The following NAV2 variants were observed in gnomAD, a reference collection of about 807,000 sequenced individuals.
NAV2 encodes the protein helicase, APC down-regulated 1.
Under a neutral mutation model 223.2 loss-of-function variants are expected in NAV2, and 54 were observed. The observed-to-expected ratio is 0.24, with a 90% CI of 0.19 to 0.30. The LOEUF is 0.30. Among genes scored for constraint, NAV2 ranks in the 10% least tolerant of loss-of-function variants. The probability of loss-of-function intolerance (pLI) is 1.00; values close to 1 mark genes in which losing one functional copy is unlikely to be tolerated. For synonymous variants in NAV2, 1,279 were observed against 1,239.3 expected, an observed-to-expected ratio of 1.03 and a Z score of -0.67; for missense variants, 2,806 against 3,147.5, an observed-to-expected ratio of 0.89 and a Z score of 2.60.
At position 19,476,100 on chromosome 11, in the gene NAV2, G is replaced by A. The variant is rs546865009; in HGVS notation, c.75+125073G>A. On this transcript the variant is annotated intron_variant, in intron 1 of 37. Transcript: ENST00000360655. ...AGCAGTTCTCCTGCCTCAGCCTCCC[G>A]AGTAGCTGGGACTACAGGCACGCGC... 6.6e-5 allele frequency among the ~76,000 whole-genome samples: 10 copies of A among 152,200 alleles called. No homozygotes were observed. The South Asian group carries it at 1.0e-3, about 16-fold the overall frequency.
chr11:19,440,633 C>A (rs1173557249), intron 1 of NAV2, among the ~76,000 whole-genome samples: 1 of 152,162 alleles, frequency 6.6e-6, no homozygotes, highest in Non-Finnish European at 1.5e-5. Context: ...AGGTTAAGTG[C>A]AGTCAAGTAT....
intron 1 of NAV2, among the ~76,000 whole-genome samples, chr11:19,668,805 A>T (rs945680264): frequency 2.0e-5 from 3 of 152,054 alleles, no homozygotes; most frequent in Non-Finnish European, 4.4e-5. Flanking sequence ...ATCAGAAGTA[A>T]GGCCCCAGGA....
intron 1 of NAV2, among the ~76,000 whole-genome samples, chr11:19,374,403 A>G (rs574412924): frequency 1.4e-4 from 20 of 147,352 alleles, no homozygotes; most frequent in African/African-American, 5.1e-4. Context: ...AGTGCCTGGC[A>G]CTTGGTTGCA....
chr11:19,572,090 A>T (rs1276818284), intron 1 of NAV2, among the ~76,000 whole-genome samples: 7 of 152,236 alleles, frequency 4.6e-5, no homozygotes, highest in African/African-American at 1.7e-4. Context: ...ACAGGGGTGC[A>T]GATGGGAAGA....
At chr11:19,732,215 T>C (rs1019672051) in intron 1 of NAV2, among the ~76,000 whole-genome samples, 11 of 150,560 alleles carry the variant, frequency 7.3e-5, no homozygotes, top group South Asian at 2.1e-4. Context: ...GACGAAATCA[T>C]GCCACTGTAC....
At chr11:19,895,104 CTTTT>C (rs71050690) in intron 6 of NAV2, among the ~76,000 whole-genome samples, 19,176 of 98,652 alleles carry the variant, frequency 0.19, 497 homozygotes, top group African/African-American at 0.23. Context: ...CTTTTTCTTT[CTTTT>C]TTTTTTTTTT....
chr11:20,070,374 T>G (rs2059323345), intron 22 of NAV2, among the ~76,000 whole-genome samples: 1 of 152,202 alleles, frequency 6.6e-6, no homozygotes, highest in African/African-American at 2.4e-5. Flanking sequence ...CCTTTACTAA[T>G]CAACAAATAG....
intron 37 of NAV2, 130 bp from the exon 38 acceptor site, chr11:20,118,003 C>G: frequency 9.9e-7 from 1 of 1,009,306 alleles, no homozygotes; most frequent in Non-Finnish European, 1.5e-6. Context: ...AGTCCATGTT[C>G]TTGTCCACTG....
chr11:19,421,650 C>T (rs2133497998), intron 1 of NAV2, among the ~76,000 whole-genome samples: 1 of 151,330 alleles, frequency 6.6e-6, no homozygotes, highest in African/African-American at 2.4e-5. Context: ...TGGCAAAAAT[C>T]ATGGAGGTGG....
intron 1 of NAV2, among the ~76,000 whole-genome samples, chr11:19,654,402 A>T (rs2048057776): frequency 6.6e-6 from 1 of 151,810 alleles, no homozygotes; most frequent in Admixed American, 6.5e-5. Context: ...TTTAAAGTTC[A>T]TATGGAACCA....
At chr11:20,051,387 G>T (rs2057993656) in intron 17 of NAV2, 54 bp downstream of exon 17, 1 of 1,540,712 alleles carries the variant, frequency 6.5e-7, no homozygotes, top group Non-Finnish European at 9.0e-7. Context: ...TTGGAGCTTG[G>T]CTGTGTGACT....
At chr11:19,772,572 A>T (rs934906423) in intron 1 of NAV2, among the ~76,000 whole-genome samples, 2 of 152,176 alleles carry the variant, frequency 1.3e-5, no homozygotes, top group African/African-American at 2.4e-5. Context: ...GTATTTTTAT[A>T]TTCAAGCCCA....
chr11:19,984,623 T>G (rs1056610922), intron 11 of NAV2, among the ~76,000 whole-genome samples: 1 of 152,128 alleles, frequency 6.6e-6, no homozygotes, highest in Non-Finnish European at 1.5e-5. Flanking sequence ...GCACAGAAGG[T>G]CTGTGTGCAG....
At chr11:19,718,947 G>A (rs892860596) in intron 1 of NAV2, among the ~76,000 whole-genome samples, 3 of 152,154 alleles carry the variant, frequency 2.0e-5, no homozygotes, top group Middle Eastern at 6.8e-3. Context: ...GAGGAGTTAC[G>A]GCCCAAATTC....
chr11:19,528,536 G>A (rs956708911), intron 1 of NAV2, among the ~76,000 whole-genome samples: 1 of 152,144 alleles, frequency 6.6e-6, no homozygotes, highest in South Asian at 2.1e-4. Flanking sequence ...GGGCAGAGGC[G>A]GCTGGAAGGC....
At chr11:19,865,402 CAA>C (rs1181566884) in intron 3 of NAV2, among the ~76,000 whole-genome samples, 2 of 152,252 alleles carry the variant, frequency 1.3e-5, no homozygotes, top group East Asian at 3.9e-4. Context: ...ATTTTAATCA[CAA>C]GAGGGCCTGG....
At chr11:19,718,484 T>C (rs10833160) in intron 1 of NAV2, among the ~76,000 whole-genome samples, 75,397 of 151,068 alleles carry the variant, frequency 0.5, 20,900 homozygotes, top group African/African-American at 0.76. Flanking sequence ...AAAGAAAGCA[T>C]AGAGGAGGCC....
chr11:19,385,956 G>A (rs1015681671), intron 1 of NAV2, among the ~76,000 whole-genome samples: 3 of 151,940 alleles, frequency 2.0e-5, no homozygotes, highest in African/African-American at 7.3e-5. Context: ...AGTAGAGACG[G>A]GGTTTCACCG....
chr11:20,105,338 T>G, intron 34 of NAV2, 193 bp from the exon 35 acceptor site: 1 of 515,868 alleles, frequency 1.9e-6, no homozygotes, highest in South Asian at 3.1e-5. Context: ...ATAATATCTA[T>G]GTTAGAGGGT....
Sources: allele counts gnomAD v4.1 joint callset (sites outside exome capture counted in the v4.1 genomes callset), GRCh38; gene constraint gnomAD v4.1.1; transcripts MANE v1.5; gene names NCBI Gene and HGNC (gene_info 2026-07-23, HGNC 2026-07-21).